UBR4: variants seen among roughly 807,000 people sequenced by gnomAD.
The protein encoded by UBR4 is E3 ubiquitin-protein ligase UBR4.
Under a neutral mutation model 575.6 loss-of-function variants are expected in UBR4, and 124 were observed. The observed-to-expected ratio is 0.22, with a 90% CI of 0.19 to 0.25. UBR4 has a LOEUF of 0.25. UBR4 is among the 10% of genes least tolerant of loss of function. UBR4 has a pLI of 1.00. For synonymous variants in UBR4, 2,455 were observed against 2,473.7 expected (o/e 0.99, Z 0.22); for missense variants, 4,818 against 6,478.8 (o/e 0.74, Z 8.80).
chr1:19,075,141 G>A (rs1022322437), intron 105 of UBR4: 6 of 540,426 alleles, frequency 1.1e-5, no homozygotes, highest in Middle Eastern at 4.8e-4. Flanking sequence ...TGAATAGGGT[G>A]TGTCTGATGT....
intron 74 of UBR4, 60 bp downstream of exon 74, chr1:19,115,338 C>G (rs1488274542): frequency 6.3e-7 from 1 of 1,582,136 alleles, no homozygotes; most frequent in Non-Finnish European, 8.6e-7. Context: ...ACTGACACTA[C>G]TACAGAAAAA....
rs900896597 is a variant in UBR4, at chr1:19,157,264, T to C, written c.5761-339A>G. 6.6e-6 allele frequency among the ~76,000 whole-genome samples: 1 copy of C among 152,252 alleles called. No homozygotes were observed. The highest frequency in any genetic ancestry group is 2.4e-5 in the African/African-American group (1 of 41,474). On this transcript the variant is annotated intron_variant, in intron 40 of 105. Transcript: ENST00000375254. This position sits in a 1 kb window ranked among gnomAD's most constrained non-coding sequence, Gnocchi z 4.4. Reference sequence around the variant, plus strand: ...TTAGAGTTGTTTGAAGGACTATCCATATTTTCACTTAAAATAAAAGTTAAA... The same window carrying C: ...TTAGAGTTGTTTGAAGGACTATCCACATTTTCACTTAAAATAAAAGTTAAA...
chr1:19,178,794 G>T (rs912928335), intron 18 of UBR4, among the ~76,000 whole-genome samples: 8 of 152,112 alleles, frequency 5.3e-5, no homozygotes, highest in African/African-American at 1.9e-4. Context: ...GATAAAATTG[G>T]TTCTGTTCAA....
chr1:19,152,400 A>G lies in UBR4; in HGVS notation c.6909T>C (p.Phe2303=), dbSNP rs766041424. The change falls in exon 47 of 106, where the codon TTT becomes TTC. Residue 2303 remains phenylalanine, a synonymous_variant. Transcript: ENST00000375254. The surrounding 1 kb of genome is among the most constrained non-coding windows in gnomAD (Gnocchi z 4.4). ...AGACCTGTAGGAGGTCGTTACCACC[A>G]AACTCCACATCTGTCAGCTGCTGGT... ...EHNQQLTDVE[F]GGNDLLQVYN... is the part of the protein sequence containing the mutation. 6.2e-7 allele frequency: 1 copy of G among 1,613,838 alleles called. No individual in the cohort carries two copies. The highest frequency in any genetic ancestry group is 1.3e-5 in the African/African-American group (1 of 74,902).
At chr1:19,160,322 AAAG>A in intron 38 of UBR4, 41 bp from the exon 39 acceptor site, 1 of 1,499,022 alleles carries the variant, frequency 6.7e-7, no homozygotes, top group Non-Finnish European at 9.0e-7. Context: ...AAAAAAAAAA[AAAG>A]AAAAACAATG....
chr1:19,100,284 A>C lies in UBR4; in HGVS notation c.13221+92T>G. On this transcript the variant is annotated intron_variant, in intron 89 of 105. Coordinates refer to ENST00000375254, the MANE Select transcript of UBR4 (RefSeq NM_020765.3). The surrounding 1 kb of genome is among the most constrained non-coding windows in gnomAD (Gnocchi z 4.2). ...AACTGAAGGCCACCTGCCCCAAGTTAATCAGCTACTAGGAAGAAGCACCTG... is the reference window on the plus strand; with the variant it reads ...AACTGAAGGCCACCTGCCCCAAGTTCATCAGCTACTAGGAAGAAGCACCTG... 7.0e-7 allele frequency: 1 copy of C among 1,421,248 alleles called. No homozygotes were observed. Among genetic ancestry groups the C allele is most frequent in the Non-Finnish European group, 9.8e-7 (1 of 1,019,442 alleles). 88.0% of individuals were successfully genotyped at this position (1,421,248 alleles called of 1,614,324 possible).
intron 81 of UBR4, 110 bp downstream of exon 81, chr1:19,109,986 A>T (rs2079659274): frequency 6.6e-7 from 1 of 1,506,924 alleles, no homozygotes; most frequent in Admixed American, 1.8e-5. Flanking sequence ...CTCTCAGGGG[A>T]GGTGGGCTCA....
At chr1:19,166,208 T>C (rs540443327) in intron 29 of UBR4, among the ~76,000 whole-genome samples, 1 of 152,342 alleles carries the variant, frequency 6.6e-6, no homozygotes, top group East Asian at 1.9e-4. Flanking sequence ...GCACCTTCAT[T>C]TGTACAATTC....
rs368283060 is a variant in UBR4, at chr1:19,173,044, T to C, written c.3341A>G (p.Glu1114Gly). The C allele has an allele frequency of 2.2e-5, 35 of 1,614,086 alleles. No individual in the cohort carries two copies. Among genetic ancestry groups the C allele is most frequent in the Non-Finnish European group, 2.9e-5 (34 of 1,180,044 alleles). The change falls in exon 25 of 106, where the codon GAA (glutamate) becomes GGA (glycine). Residue 1114 changes from glutamate to glycine, a missense_variant. Transcript: ENST00000375254. Reference sequence around the variant, plus strand: ...GTAGATGGACTGCAGACTGGGAATTTCATGCAGCTGCAAGATGGTGGTACA... The same window carrying C: ...GTAGATGGACTGCAGACTGGGAATTCCATGCAGCTGCAAGATGGTGGTACA... ...IDCTTILQLH[E>G]IPSLQSIYTL... is the part of the protein sequence containing the mutation.
intron 44 of UBR4, 81 bp downstream of exon 44, chr1:19,154,837 A>G: frequency 7.0e-6 from 11 of 1,579,056 alleles, no homozygotes; most frequent in Non-Finnish European, 9.6e-6. Flanking sequence ...AAAACTCAGA[A>G]CAGATAGCAG....
In UBR4 at chr1:19,153,048, G is replaced by A. The variant is rs1368381162; in HGVS notation, c.6832+253C>T. Among the ~76,000 whole-genome samples, 1 of 152,200 alleles carries A rather than the reference G, an allele frequency of 6.6e-6. No homozygotes were observed. The highest frequency in any genetic ancestry group is 1.5e-5 in the Non-Finnish European group (1 of 68,040). On this transcript the variant is annotated intron_variant, in intron 46 of 105. Transcript: ENST00000375254. The surrounding 1 kb of genome is among the most constrained non-coding windows in gnomAD (Gnocchi z 4.1). Reference sequence around the variant, plus strand: ...GGGAAGTCATTCTCCTAAACCTAGAGAGAACAATCTCTCAAATAAGGTCCA... The same window carrying A: ...GGGAAGTCATTCTCCTAAACCTAGAAAGAACAATCTCTCAAATAAGGTCCA...
rs550230849 is a variant in UBR4, at chr1:19,174,278, C to G, written c.2982+41G>C. ...ATTTCTGATAGAAATGATCAATGAT[C>G]AAACACAACCCAAAGACTTCTCAGG... On this transcript the variant is annotated intron_variant, in intron 22 of 105. Transcript: ENST00000375254. 6 of 1,568,874 alleles carry G rather than the reference C, an allele frequency of 3.8e-6. No individual in the cohort carries two copies. The South Asian group carries it at 7.1e-5, about 19-fold the overall frequency.
chr1:19,108,692 C>T (rs781667289), intron 81 of UBR4, among the ~76,000 whole-genome samples: 40 of 152,076 alleles, frequency 2.6e-4, no homozygotes, highest in Non-Finnish European at 4.1e-4. Context: ...GGTTTTCTAC[C>T]GTCAGCACAA....
At chr1:19,190,661 T>C (rs1352874250) in intron 11 of UBR4, among the ~76,000 whole-genome samples, 1 of 152,134 alleles carries the variant, frequency 6.6e-6, no homozygotes, top group Non-Finnish European at 1.5e-5. Flanking sequence ...AGCCAAAAAA[T>C]TGTGATGTCA....
chr1:19,095,867 T>G, intron 92 of UBR4: 46 of 489,266 alleles, frequency 9.4e-5, no homozygotes, highest in Middle Eastern at 5.6e-4. Context: ...GATATATCTC[T>G]ACCATCTCTA....
At chr1:19,208,828 T>C (rs1335671555) in intron 1 of UBR4, among the ~76,000 whole-genome samples, 4 of 152,228 alleles carry the variant, frequency 2.6e-5, no homozygotes, top group Non-Finnish European at 4.4e-5. Flanking sequence ...GGAACGTTAC[T>C]GATTCTACGT....
At chr1:19,138,212 C>G (rs2083411637) in intron 59 of UBR4, 31 bp from the exon 60 acceptor site, 1 of 1,474,526 alleles carries the variant, frequency 6.8e-7, no homozygotes, top group East Asian at 2.5e-5. Flanking sequence ...AAGCACAAAT[C>G]AACTCCCAAA....
In UBR4 at chr1:19,148,546, T is replaced by C. The variant is rs758815057; in HGVS notation, c.7494+17A>G. ...CCTCTTCAGAAAGCTTCCATGTGCT[T>C]TGAAAAAGTGACTTGCCTTCTCGAT... is the stretch of plus-strand genomic sequence containing the variant. On this transcript the variant is annotated intron_variant, in intron 50 of 105. Transcript: ENST00000375254. The C allele has an allele frequency of 1.2e-6, 2 of 1,614,068 alleles. No individual in the cohort carries two copies. The highest frequency in any genetic ancestry group is 3.3e-5 in the Admixed American group (2 of 60,010).
At chr1:19,210,021 G>C (rs1296429369) in intron 1 of UBR4, 52 bp downstream of exon 1, 1 of 1,486,954 alleles carries the variant, frequency 6.7e-7, no homozygotes, top group South Asian at 1.3e-5. Context: ...GATCCGGCTC[G>C]AAATCCCCTC....
Sources: allele counts gnomAD v4.1 joint callset (sites outside exome capture counted in the v4.1 genomes callset), GRCh38; gene constraint gnomAD v4.1.1; non-coding constraint Gnocchi (gnomAD v3.1); transcripts MANE v1.5; gene names NCBI Gene and HGNC (gene_info 2026-07-23, HGNC 2026-07-21).